Variants in RANBP17 observed in about 807,000 individuals in gnomAD.
RANBP17 encodes ran-binding protein 17.
RANBP17 carries 158 observed loss-of-function variants against 141.2 expected under a neutral mutation model. The observed-to-expected ratio is 1.12, with a 90% CI of 0.98 to 1.28. The LOEUF (loss-of-function observed/expected upper bound fraction) is 1.28, where lower values mean the gene tolerates loss of function less well. Among genes scored for constraint, RANBP17 ranks in the 50% most tolerant of loss-of-function variants. The probability of loss-of-function intolerance (pLI) is 0.00; values close to 1 mark genes in which losing one functional copy is unlikely to be tolerated. For missense variants in RANBP17, 1,438 were observed against 1,290.7 expected, an observed-to-expected ratio of 1.11 and a Z score of -1.75; for synonymous variants, 430 against 450.0, an observed-to-expected ratio of 0.96 and a Z score of 0.56.
intron 14 of RANBP17, among the ~76,000 whole-genome samples, chr5:170,990,154 A>C (rs779153958): frequency 1.7e-4 from 26 of 151,998 alleles, no homozygotes; most frequent in Non-Finnish European, 3.4e-4. Context: ...TTGAATAAAA[A>C]TTTAAAAATA....
chr5:171,021,419 A>T (rs534148127), intron 14 of RANBP17, among the ~76,000 whole-genome samples: 1 of 152,262 alleles, frequency 6.6e-6, no homozygotes, highest in East Asian at 1.9e-4. Flanking sequence ...AATCAAACGT[A>T]GGTTTGGTCT....
At chr5:170,966,870 A>G (rs1200475656) in intron 13 of RANBP17, among the ~76,000 whole-genome samples, 1 of 152,126 alleles carries the variant, frequency 6.6e-6, no homozygotes, top group Non-Finnish European at 1.5e-5. Flanking sequence ...ATCAATGTAC[A>G]AAAATCACAA....
At chr5:171,260,890 C>A (rs1466298627) in intron 24 of RANBP17, among the ~76,000 whole-genome samples, 5 of 151,726 alleles carry the variant, frequency 3.3e-5, no homozygotes, top group African/African-American at 4.8e-5. Context: ...AAAGTTGAAC[C>A]AACTAGGAAC....
chr5:170,938,515 A>G (rs1328760219), intron 12 of RANBP17, among the ~76,000 whole-genome samples: 1 of 152,230 alleles, frequency 6.6e-6, no homozygotes, highest in Admixed American at 6.5e-5. Flanking sequence ...GACTCTTAAG[A>G]TGTTGGAATT....
chr5:171,109,787 A>C (rs1234457588), intron 14 of RANBP17, among the ~76,000 whole-genome samples: 1 of 152,224 alleles, frequency 6.6e-6, no homozygotes. Flanking sequence ...AATCTATAGA[A>C]GGTCCAACTG....
At chr5:171,153,446 A>G (rs1374608291) in intron 14 of RANBP17, among the ~76,000 whole-genome samples, 2 of 152,232 alleles carry the variant, frequency 1.3e-5, no homozygotes, top group Admixed American at 1.3e-4. Flanking sequence ...GGGACACACT[A>G]TTGCCTAGGG....
At chr5:170,863,445 A>T (rs889724680) in intron 1 of RANBP17, 1 of 152,048 alleles carries the variant, frequency 6.6e-6, no homozygotes, top group African/African-American at 2.4e-5. Context: ...TCTTTTTTTT[A>T]AAACCAGTTA....
At chr5:170,976,023 A>AT (rs971696947) in intron 14 of RANBP17, among the ~76,000 whole-genome samples, 1 of 151,758 alleles carries the variant, frequency 6.6e-6, no homozygotes, top group Non-Finnish European at 1.5e-5. Flanking sequence ...AGGCATCCAG[A>AT]TTTAAAAAAA....
At chr5:171,009,145 A>G (rs1240025722) in intron 14 of RANBP17, among the ~76,000 whole-genome samples, 1 of 152,198 alleles carries the variant, frequency 6.6e-6, no homozygotes, top group Admixed American at 6.5e-5. Context: ...TGTAGTGGAA[A>G]TCATTTTGGC....
chr5:170,881,634 T>C (rs994837154), intron 2 of RANBP17, among the ~76,000 whole-genome samples, 172 bp from the exon 3 acceptor site: 2 of 152,220 alleles, frequency 1.3e-5, no homozygotes, highest in Non-Finnish European at 1.5e-5. Flanking sequence ...TGCCTGTGTA[T>C]GTGTATCCTT....
rs536774197 is a variant in RANBP17, at chr5:171,182,066, A to T, written c.1866-1101A>T. On this transcript the variant is annotated intron_variant, in intron 16 of 27. Coordinates refer to ENST00000523189, the MANE Select transcript of RANBP17 (RefSeq NM_022897.5). ...TGATACCCATGCCTGAGTGACTAAC[A>T]TTTAGAATTATGCTTTTCAGTGCCC... Among the ~76,000 whole-genome samples the T allele has an allele frequency of 3.9e-5, 6 of 152,328 alleles. No homozygotes were observed. The South Asian group carries it at 1.2e-3, about 32-fold the overall frequency.
intron 12 of RANBP17, among the ~76,000 whole-genome samples, chr5:170,947,988 A>G (rs959611868): frequency 2.6e-5 from 4 of 152,178 alleles, no homozygotes; most frequent in Non-Finnish European, 5.9e-5. Flanking sequence ...TCTTGATGGC[A>G]TATACATACA....
At position 171,220,441 on chromosome 5, in the gene RANBP17, C is replaced by CTTT. The variant is rs1173697219; in HGVS notation, c.2340-1294_2340-1292dup. On this transcript the variant is annotated intron_variant, in intron 21 of 27. Coordinates refer to ENST00000523189, the MANE Select transcript of RANBP17 (RefSeq NM_022897.5). ...CATCTTGGTCCCTCCCCAGATGATT[C>CTTT]TTTTTTTTTTTTTTTTTTTTTTTTT... Among the ~76,000 whole-genome samples the CTTT allele has an allele frequency of 2.4e-3, 177 of 73,038 alleles. 2 individuals are homozygous for CTTT. The highest frequency in any genetic ancestry group is 4.0e-3 in the African/African-American group (70 of 17,630). The allele number at this position is 73,038 out of a possible 152,430, so 47.9% of individuals were successfully genotyped here.
chr5:171,128,312 T>C (rs1581694577), intron 14 of RANBP17, among the ~76,000 whole-genome samples: 1 of 152,200 alleles, frequency 6.6e-6, no homozygotes, highest in East Asian at 1.9e-4. Context: ...TGGAATGCCA[T>C]TCAGCTATGA....
At chr5:171,094,467 A>G (rs1012699045) in intron 14 of RANBP17, among the ~76,000 whole-genome samples, 3 of 152,236 alleles carry the variant, frequency 2.0e-5, no homozygotes, top group Middle Eastern at 3.4e-3. Context: ...TCTCATTATT[A>G]TCATTGTTAT....
At chr5:171,171,854 A>T (rs1324146019) in intron 16 of RANBP17, among the ~76,000 whole-genome samples, 2 of 151,966 alleles carry the variant, frequency 1.3e-5, no homozygotes, top group Non-Finnish European at 2.9e-5. Flanking sequence ...ATCTAAAATA[A>T]GATTCCCCAT....
intron 14 of RANBP17, among the ~76,000 whole-genome samples, chr5:170,981,031 C>T (rs992176835): frequency 6.6e-6 from 1 of 152,198 alleles, no homozygotes; most frequent in Admixed American, 6.5e-5. Flanking sequence ...GACATGGAGG[C>T]AAAGGAGATC....
Position 170,918,403 on chromosome 5 carries a change from T to TACAC in RANBP17, c.955-288_955-285dup, listed in dbSNP as rs55900214. On this transcript the variant is annotated intron_variant, in intron 9 of 27. Coordinates refer to ENST00000523189, the MANE Select transcript of RANBP17 (RefSeq NM_022897.5). ...TTGTTGACTTCTGTTTAAACCACAG[T>TACAC]ACACACACACACACACACACACACA... 353 of 161,646 alleles carry TACAC rather than the reference T, an allele frequency of 2.2e-3. 2 individuals carry two copies. The highest frequency in any genetic ancestry group is 8.4e-3 in the East Asian group (48 of 5,734). 10.0% of individuals were successfully genotyped at this position (161,646 alleles called of 1,614,324 possible).
intron 14 of RANBP17, among the ~76,000 whole-genome samples, chr5:171,143,061 A>G (rs1414620025): frequency 6.6e-6 from 1 of 152,250 alleles, no homozygotes; most frequent in African/African-American, 2.4e-5. Flanking sequence ...GTCACAAATC[A>G]CCTGCTCTTA....
Sources: allele counts gnomAD v4.1 joint callset (sites outside exome capture counted in the v4.1 genomes callset), GRCh38; gene constraint gnomAD v4.1.1; transcripts MANE v1.5; gene names NCBI Gene and HGNC (gene_info 2026-07-23, HGNC 2026-07-21).